DNAH7: variants seen among roughly 807,000 people sequenced by gnomAD.
The protein encoded by DNAH7 is dynein axonemal heavy chain 7, also known as axonemal beta dynein heavy chain 7.
DNAH7 carries 397 observed loss-of-function variants against 444.6 expected under a neutral mutation model. The ratio of observed to expected loss-of-function variants is 0.89; its 90% CI spans 0.82 to 0.97. DNAH7 has a LOEUF of 0.97. Among genes scored for constraint, DNAH7 ranks in the 50% least tolerant of loss-of-function variants. The probability of loss-of-function intolerance (pLI) is 0.00; values close to 1 mark genes in which losing one functional copy is unlikely to be tolerated. For synonymous variants in DNAH7, 1,636 were observed against 1,624.4 expected, an observed-to-expected ratio of 1.01 and a Z score of -0.17; for missense variants, 4,902 against 4,800.8, an observed-to-expected ratio of 1.02 and a Z score of -0.62.
intron 17 of DNAH7, among the ~76,000 whole-genome samples, chr2:195,966,826 A>G (rs184777916): frequency 2.6e-5 from 4 of 151,980 alleles, no homozygotes; most frequent in Non-Finnish European, 1.5e-5. Context: ...TTTTCAGTCT[A>G]TGTGTGACTT....
intron 10 of DNAH7, among the ~76,000 whole-genome samples, chr2:196,003,601 A>C (rs1413563923): frequency 6.6e-6 from 1 of 152,226 alleles, no homozygotes; most frequent in Non-Finnish European, 1.5e-5. Context: ...ATTCATAAGG[A>C]AGATATCACT....
intron 61 of DNAH7, among the ~76,000 whole-genome samples, chr2:195,759,525 AG>A (rs996218512): frequency 6.6e-6 from 1 of 152,032 alleles, no homozygotes; most frequent in African/African-American, 2.4e-5. Flanking sequence ...GGAAGAGTAA[AG>A]GGGGCTTTGA....
At chr2:196,003,666 T>C (rs1021999187) in intron 10 of DNAH7, among the ~76,000 whole-genome samples, 1 of 152,184 alleles carries the variant, frequency 6.6e-6, no homozygotes, top group Non-Finnish European at 1.5e-5. Flanking sequence ...AGGCTGGGTA[T>C]TGAAGGACAG....
chr2:195,984,409 G>A (rs1220200694), intron 15 of DNAH7, among the ~76,000 whole-genome samples: 11 of 151,896 alleles, frequency 7.2e-5, no homozygotes, highest in East Asian at 1.9e-4. Flanking sequence ...GTGCAGTGGC[G>A]CAATCTCGAC....
intron 12 of DNAH7, among the ~76,000 whole-genome samples, chr2:195,991,362 T>C (rs1335145588): frequency 2.0e-5 from 3 of 152,192 alleles, no homozygotes; most frequent in Non-Finnish European, 2.9e-5. Context: ...TAAGTTGTCA[T>C]GCACACAGTG....
In DNAH7 at chr2:195,906,686, C is replaced by T. The variant is rs1215389143; in HGVS notation, c.4308G>A (p.Gly1436=). The T allele has an allele frequency of 6.2e-7, 1 of 1,613,010 alleles. No homozygotes were observed. Among genetic ancestry groups the T allele is most frequent in the Non-Finnish European group, 8.5e-7 (1 of 1,179,348 alleles). The change falls in exon 27 of 65, where the codon GGG becomes GGA. Residue 1436 remains glycine, a synonymous_variant. Coordinates refer to ENST00000312428, the MANE Select transcript of DNAH7 (RefSeq NM_018897.3). ...TCAGGTTATCTGGCAGTTCTGATCG[C>T]CCAGCATACCCAGGGTTCATTGTTA... ...VFITMNPGYA[G]RSELPDNLKA...
chr2:195,809,710 A>G, intron 52 of DNAH7, 35 bp downstream of exon 52: 1 of 1,486,660 alleles, frequency 6.7e-7, no homozygotes, highest in Non-Finnish European at 8.9e-7. Context: ...AGCGTTATTA[A>G]GGGTTTTTTT....
At chr2:196,043,064 G>C (rs1043685617) in intron 5 of DNAH7, among the ~76,000 whole-genome samples, 6 of 152,052 alleles carry the variant, frequency 3.9e-5, no homozygotes, top group African/African-American at 1.4e-4. Context: ...GTGGGCAAGA[G>C]GATTAATTGA....
intron 24 of DNAH7, among the ~76,000 whole-genome samples, chr2:195,911,290 T>C (rs1394536621): frequency 6.6e-6 from 1 of 152,166 alleles, no homozygotes; most frequent in Non-Finnish European, 1.5e-5. Flanking sequence ...ATGAGACAAT[T>C]TGAAACTCTA....
chr2:195,923,762 T>C lies in DNAH7; in HGVS notation c.3658A>G (p.Ile1220Val). The stretch of plus-strand genomic sequence containing the variant: ...AATTTGCCACGCACCAAAGTGACAA[T>C]ATCATCAATTTGTCTGTTACATGTT... ...LKTCNRQIDD[I>V]VTLVRGKLSM... The change falls in exon 23 of 65, where the codon ATT becomes GTT. Residue 1220 changes from isoleucine (I) to valine (V), a missense_variant. Transcript: ENST00000312428. The C allele has an allele frequency of 1.2e-6, 2 of 1,614,140 alleles. No homozygotes were observed. The highest frequency in any genetic ancestry group is 1.7e-6 in the Non-Finnish European group (2 of 1,180,018).
chr2:196,060,832 T>G (rs1005783336), intron 1 of DNAH7, among the ~76,000 whole-genome samples: 1 of 152,200 alleles, frequency 6.6e-6, no homozygotes, highest in Non-Finnish European at 1.5e-5. Context: ...TTTGACACAG[T>G]TGATCACTGT....
intron 35 of DNAH7, among the ~76,000 whole-genome samples, chr2:195,883,449 G>GCCCC (rs1203503298): frequency 1.2e-4 from 16 of 135,858 alleles, no homozygotes; most frequent in African/African-American, 5.5e-4. Flanking sequence ...CTCAGTCCCC[G>GCCCC]CTCCCCCCCC....
intron 63 of DNAH7, among the ~76,000 whole-genome samples, chr2:195,743,541 A>G (rs76521382): frequency 0.01 from 1,598 of 152,314 alleles, 36 homozygotes; most frequent in East Asian, 0.07. Context: ...AACATAACAA[A>G]AATATGTCTA....
chr2:195,740,572 G>T (rs1692936137), intron 64 of DNAH7, among the ~76,000 whole-genome samples, 194 bp downstream of exon 64: 1 of 138,070 alleles, frequency 7.2e-6, no homozygotes, highest in Non-Finnish European at 1.5e-5. Flanking sequence ...TGAATAACAA[G>T]AATTGACTGT....
At chr2:196,043,865 C>T (rs1320978909) in intron 5 of DNAH7, among the ~76,000 whole-genome samples, 2 of 152,082 alleles carry the variant, frequency 1.3e-5, no homozygotes, top group Non-Finnish European at 1.5e-5. Context: ...TACCACTTTA[C>T]TCCTGCAAGA....
At chr2:195,785,735 C>T (rs1695587889) in intron 58 of DNAH7, among the ~76,000 whole-genome samples, 1 of 151,930 alleles carries the variant, frequency 6.6e-6, no homozygotes, top group Non-Finnish European at 1.5e-5. Flanking sequence ...AAACCAGTCT[C>T]GCATACCTGC....
chr2:195,857,603 T>C lies in DNAH7; in HGVS notation c.8188A>G (p.Lys2730Glu), dbSNP rs1699785784. 3 of 1,614,026 alleles carry C rather than the reference T, an allele frequency of 1.9e-6. No individual in the cohort carries two copies. The highest frequency in any genetic ancestry group is 1.7e-6 in the Non-Finnish European group (2 of 1,179,950). Residue 2730 changes from lysine (K) to glutamate (E), a missense_variant, in exon 44 of 65, where the codon AAA (lysine) becomes GAA (glutamate). Lys to Glu is a moderately conservative substitution (Grantham distance 56). Transcript: ENST00000312428. ...DKIPDPTGSG[K>E]KIEDFWGPAK... ...GGGCCCCAGAAATCCTCAATTTTTT[T>C]CCCTGAACCTGTTGGGTCAGGGATT...
intron 48 of DNAH7, among the ~76,000 whole-genome samples, chr2:195,827,902 T>C (rs1409108212): frequency 6.6e-6 from 1 of 152,178 alleles, no homozygotes; most frequent in Non-Finnish European, 1.5e-5. Flanking sequence ...TATTTGCCTG[T>C]ATTTCTTCTT....
At chr2:195,805,648 T>C (rs1047572521) in intron 54 of DNAH7, among the ~76,000 whole-genome samples, 1 of 152,140 alleles carries the variant, frequency 6.6e-6, no homozygotes, top group Non-Finnish European at 1.5e-5. Context: ...AAAATTATAT[T>C]TTACCATTGT....
Sources: allele counts gnomAD v4.1 joint callset (sites outside exome capture counted in the v4.1 genomes callset), GRCh38; gene constraint gnomAD v4.1.1; transcripts MANE v1.5; gene names NCBI Gene and HGNC (gene_info 2026-07-23, HGNC 2026-07-21).